The following PSTPIP2 variants were observed in gnomAD, a reference collection of about 807,000 sequenced individuals.
PSTPIP2 encodes the protein proline-serine-threonine phosphatase-interacting protein 2.
In PSTPIP2, 33 loss-of-function variants were observed where a neutral mutation model predicts 63.3. The observed-to-expected ratio is 0.52, with a 90% CI of 0.40 to 0.70. The LOEUF (loss-of-function observed/expected upper bound fraction) is 0.70, where lower values mean the gene tolerates loss of function less well. Among genes scored for constraint, PSTPIP2 ranks in the 30% least tolerant of loss-of-function variants. The pLI is 0.00. For synonymous variants in PSTPIP2, 125 were observed against 132.7 expected (o/e 0.94, Z 0.40); for missense variants, 312 against 400.7 (o/e 0.78, Z 1.89).
intron 14 of PSTPIP2, among the ~76,000 whole-genome samples, chr18:45,988,213 CTT>C (rs2051486798): frequency 6.6e-6 from 1 of 152,068 alleles, no homozygotes; most frequent in African/African-American, 2.4e-5. Context: ...GGGCAGATCA[CTT>C]CAGGTCAGGA....
intron 3 of PSTPIP2, 28 bp downstream of exon 3, chr18:46,024,581 G>C: frequency 6.3e-7 from 1 of 1,592,620 alleles, no homozygotes; most frequent in Non-Finnish European, 8.6e-7. Flanking sequence ...TAACCAACCT[G>C]GAAACCAGAA....
intron 1 of PSTPIP2, among the ~76,000 whole-genome samples, chr18:46,043,757 A>C (rs904105809): frequency 6.6e-6 from 1 of 152,254 alleles, no homozygotes; most frequent in African/African-American, 2.4e-5. Context: ...AATTCTAAGA[A>C]GTTTACAAAA....
intron 2 of PSTPIP2, among the ~76,000 whole-genome samples, chr18:46,026,909 A>G (rs1411273706): frequency 6.6e-6 from 1 of 152,208 alleles, no homozygotes; most frequent in East Asian, 1.9e-4. Context: ...AATTAGTATT[A>G]ATATTTGATG....
Position 45,999,327 on chromosome 18 carries a change from A to G in PSTPIP2, c.516+109T>C, listed in dbSNP as rs1252227971. ...AGACCCCCAATACATGAAGGAAGATATTTCCAGGGGTTTAGGATACAGGTT... is the reference window on the plus strand; with the variant it reads ...AGACCCCCAATACATGAAGGAAGATGTTTCCAGGGGTTTAGGATACAGGTT... On this transcript the variant is annotated intron_variant, in intron 7 of 14. Coordinates refer to ENST00000409746, the MANE Select transcript of PSTPIP2 (RefSeq NM_024430.4). 22 of 1,018,620 alleles carry G rather than the reference A, an allele frequency of 2.2e-5. No individual in the cohort carries two copies. In the East Asian group the frequency reaches 5.5e-4, roughly 25 times the overall value. The allele number at this position is 1,018,620 out of a possible 1,614,324, so 63.1% of individuals were successfully genotyped here.
intron 10 of PSTPIP2, 75 bp from the exon 11 acceptor site, chr18:45,992,277 T>G (rs2051543890): frequency 7.6e-7 from 1 of 1,315,184 alleles, no homozygotes; most frequent in Non-Finnish European, 1.1e-6. Context: ...AAACATGGGT[T>G]TGAGGCGGGG....
chr18:46,006,663 C>T (rs1426547337), intron 5 of PSTPIP2, among the ~76,000 whole-genome samples: 1 of 152,074 alleles, frequency 6.6e-6, no homozygotes, highest in Non-Finnish European at 1.5e-5. Context: ...CATGAGCCAC[C>T]GCGCCCGGCC....
chr18:46,042,361 T>A (rs999726522), intron 1 of PSTPIP2, among the ~76,000 whole-genome samples: 3 of 152,166 alleles, frequency 2.0e-5, no homozygotes, highest in Admixed American at 1.3e-4. Context: ...TATCCTCTCC[T>A]GAATCCAGAT....
rs920114312 is a variant in PSTPIP2, at chr18:46,072,241, G to A, written c.-53C>T. On this transcript the variant is annotated 5_prime_UTR_variant, in exon 1 of 15. Transcript: ENST00000409746. ...AGCCGGGCCGCAGGTAGCACAGAGC[G>A]GGGAGGCCTGACTGCCACTGCCCGC... 1 of 1,518,686 alleles carries A rather than the reference G, an allele frequency of 6.6e-7. No homozygotes were observed. Among genetic ancestry groups the A allele is most frequent in the Non-Finnish European group, 8.8e-7 (1 of 1,132,472 alleles). 94.1% of individuals were successfully genotyped at this position (1,518,686 alleles called of 1,614,324 possible).
At chr18:46,023,498 G>A (rs980158214) in intron 3 of PSTPIP2, among the ~76,000 whole-genome samples, 1 of 152,062 alleles carries the variant, frequency 6.6e-6, no homozygotes, top group African/African-American at 2.4e-5. Context: ...GGCAGAATTT[G>A]TGGTCAGCCA....
rs1031835545 is a variant in PSTPIP2, at chr18:46,054,721, C to T, written c.34-14674G>A. On this transcript the variant is annotated intron_variant, in intron 1 of 14. Coordinates refer to ENST00000409746, the MANE Select transcript of PSTPIP2 (RefSeq NM_024430.4). ...TGTCGCCCAGGTTGGAGTGCAGTGG[C>T]GCGATCTTGGCTCACTGCAACCTCT... Among the ~76,000 whole-genome samples the T allele has an allele frequency of 1.8e-4, 27 of 148,728 alleles. 2 individuals carry two copies. Among genetic ancestry groups the T allele is most frequent in the Non-Finnish European group, 3.4e-4 (23 of 67,742 alleles).
intron 10 of PSTPIP2, 22 bp from the exon 11 acceptor site, chr18:45,992,224 AT>A: frequency 6.5e-7 from 1 of 1,539,542 alleles, no homozygotes; most frequent in East Asian, 2.4e-5. Flanking sequence ...AGGTCAATTA[AT>A]AGGTAGAGGT....
At chr18:46,052,022 G>C (rs755541560) in intron 1 of PSTPIP2, among the ~76,000 whole-genome samples, 1 of 152,218 alleles carries the variant, frequency 6.6e-6, no homozygotes, top group African/African-American at 2.4e-5. Flanking sequence ...AGACAGGAGC[G>C]GGGAGGCAGG....
intron 1 of PSTPIP2, among the ~76,000 whole-genome samples, chr18:46,044,269 G>T: frequency 6.6e-6 from 1 of 152,274 alleles, no homozygotes; most frequent in Middle Eastern, 3.4e-3. Context: ...ATACTACAAG[G>T]CTACAGTAAC....
At chr18:45,985,511 T>G in intron 14 of PSTPIP2, 61 bp from the exon 15 acceptor site, 2 of 1,527,008 alleles carry the variant, frequency 1.3e-6, no homozygotes, top group Non-Finnish European at 1.8e-6. Context: ...TACTCTCTCC[T>G]ACCTTGAGAG....
At chr18:46,028,304 C>T in intron 2 of PSTPIP2, 1 of 461,646 alleles carries the variant, frequency 2.2e-6, no homozygotes, top group Non-Finnish European at 4.3e-6. Context: ...TAGCCCGGAA[C>T]GAGGGCGGAC....
chr18:46,056,037 A>G (rs531371286), intron 1 of PSTPIP2, among the ~76,000 whole-genome samples: 52 of 152,324 alleles, frequency 3.4e-4, no homozygotes, highest in African/African-American at 1.3e-3. Context: ...CAGCTTCTAT[A>G]GGAGCCCCAA....
intron 2 of PSTPIP2, among the ~76,000 whole-genome samples, chr18:46,035,052 T>G (rs1414838204): frequency 6.6e-6 from 1 of 152,108 alleles, no homozygotes; most frequent in South Asian, 2.1e-4. Flanking sequence ...GGGCTACCAG[T>G]GACAAGATGG....
At chr18:46,023,421 T>C (rs1382218938) in intron 3 of PSTPIP2, among the ~76,000 whole-genome samples, 2 of 152,068 alleles carry the variant, frequency 1.3e-5, no homozygotes, top group Admixed American at 6.5e-5. Flanking sequence ...TAGCCGGGCA[T>C]GGAGGCGCAT....
intron 1 of PSTPIP2, among the ~76,000 whole-genome samples, chr18:46,068,994 G>GCC (rs1909296597): frequency 6.6e-6 from 1 of 152,106 alleles, no homozygotes; most frequent in African/African-American, 2.4e-5. Context: ...GCAGAGAGAA[G>GCC]CCCTGCCCAC....
Sources: gnomAD v4.1 joint callset for allele counts (sites outside exome capture counted in the v4.1 genomes callset) on GRCh38, gnomAD v4.1.1 for gene constraint, MANE v1.5 for transcripts, NCBI Gene and HGNC (gene_info 2026-07-23, HGNC 2026-07-21) for gene names.